The following CNTLN variants were observed in gnomAD, a reference collection of about 807,000 sequenced individuals.
The protein encoded by CNTLN is centlein, also known as centlein, centrosomal protein.
A neutral mutation model predicts 180.0 loss-of-function variants in CNTLN; 212 were observed. The ratio of observed to expected loss-of-function variants is 1.18; its 90% CI spans 1.05 to 1.32. The LOEUF is 1.32. Among genes scored for constraint, CNTLN ranks in the 40% most tolerant of loss-of-function variants. The pLI is 0.00. For missense variants in CNTLN, 2,095 were observed against 1,610.9 expected (o/e 1.30, Z -5.14); for synonymous variants, 722 against 563.1 (o/e 1.28, Z -3.99).
chr9:17,413,508 A>G (rs1828006326), intron 16 of CNTLN, among the ~76,000 whole-genome samples: 1 of 152,150 alleles, frequency 6.6e-6, no homozygotes, highest in Non-Finnish European at 1.5e-5. Context: ...TTTAAAAACC[A>G]TGTGTCTGAC....
chr9:17,426,992 G>A (rs868490159), intron 18 of CNTLN, among the ~76,000 whole-genome samples: 1 of 152,038 alleles, frequency 6.6e-6, no homozygotes, highest in Non-Finnish European at 1.5e-5. Flanking sequence ...GAGAATTTTT[G>A]TACTCTGCCC....
chr9:17,301,939 A>G (rs1347978174), intron 7 of CNTLN: 15 of 930,152 alleles, frequency 1.6e-5, no homozygotes, highest in South Asian at 5.0e-5. Flanking sequence ...ATCATAACAT[A>G]TAACTATTTT....
intron 2 of CNTLN, among the ~76,000 whole-genome samples, chr9:17,203,620 G>A (rs527884152): frequency 2.0e-5 from 3 of 152,030 alleles, no homozygotes; most frequent in Non-Finnish European, 4.4e-5. Context: ...GCAGTGGCGC[G>A]ATCTCGGCTC....
chr9:17,162,477 C>A (rs1398023018), intron 2 of CNTLN, among the ~76,000 whole-genome samples: 2 of 152,212 alleles, frequency 1.3e-5, no homozygotes, highest in African/African-American at 4.8e-5. Context: ...TTTTGAATAG[C>A]ATTGCCTTAA....
chr9:17,207,584 TG>T (rs1823015273), intron 2 of CNTLN, among the ~76,000 whole-genome samples: 1 of 152,054 alleles, frequency 6.6e-6, no homozygotes, highest in African/African-American at 2.4e-5. Context: ...TTCCCTTGGC[TG>T]GGGGAGGGAG....
intron 2 of CNTLN, among the ~76,000 whole-genome samples, chr9:17,169,769 T>C (rs1038308774): frequency 2.0e-5 from 3 of 152,202 alleles, no homozygotes; most frequent in African/African-American, 7.2e-5. Flanking sequence ...TATCTGTGTT[T>C]ATGCCAGTAC....
intron 18 of CNTLN, among the ~76,000 whole-genome samples, chr9:17,427,350 A>C (rs942015559): frequency 1.4e-5 from 2 of 147,006 alleles, no homozygotes; most frequent in Admixed American, 1.4e-4. Context: ...TATATTTTCT[A>C]TGTGATACAG....
At chr9:17,342,604 A>G (rs1247697594) in intron 12 of CNTLN, among the ~76,000 whole-genome samples, 160 bp downstream of exon 12, 6 of 152,222 alleles carry the variant, frequency 3.9e-5, no homozygotes, top group Admixed American at 1.3e-4. Context: ...AAATATATAT[A>G]TGTATTATGC....
At chr9:17,433,315 C>T (rs1184551334) in intron 18 of CNTLN, among the ~76,000 whole-genome samples, 3 of 150,350 alleles carry the variant, frequency 2.0e-5, no homozygotes, top group East Asian at 2.0e-4. Flanking sequence ...AATGGAGTCT[C>T]GTTCTGTCGC....
intron 15 of CNTLN, among the ~76,000 whole-genome samples, chr9:17,406,132 T>G (rs12000349): frequency 0.047 from 7,122 of 151,862 alleles, 737 homozygotes; most frequent in African/African-American, 0.16. Flanking sequence ...AATTCTATCT[T>G]TACAGTTGCA....
intron 12 of CNTLN, among the ~76,000 whole-genome samples, chr9:17,355,808 T>G (rs992872662): frequency 5.9e-5 from 9 of 152,192 alleles, no homozygotes; most frequent in African/African-American, 2.2e-4. Flanking sequence ...CTCACGCCTG[T>G]AATCCCAGCA....
At chr9:17,251,646 TGTGA>T (rs139876053) in intron 5 of CNTLN, among the ~76,000 whole-genome samples, 10 of 152,030 alleles carry the variant, frequency 6.6e-5, no homozygotes, top group Non-Finnish European at 1.5e-4. Context: ...ATGGGCTATA[TGTGA>T]GTGTTTGTTA....
At chr9:17,303,891 C>G (rs1483334109) in intron 7 of CNTLN, among the ~76,000 whole-genome samples, 4 of 152,148 alleles carry the variant, frequency 2.6e-5, no homozygotes, top group African/African-American at 4.8e-5. Flanking sequence ...AAGTATTACA[C>G]TAACAATTTG....
chr9:17,168,588 C>T (rs557821080), intron 2 of CNTLN: 10 of 152,048 alleles, frequency 6.6e-5, no homozygotes, highest in Admixed American at 3.3e-4. Flanking sequence ...ATGTGATCTT[C>T]GATTAATTTG....
At chr9:17,203,658 G>T (rs1482206793) in intron 2 of CNTLN, among the ~76,000 whole-genome samples, 1 of 152,082 alleles carries the variant, frequency 6.6e-6, no homozygotes, top group African/African-American at 2.4e-5. Context: ...CCGTGTTCAC[G>T]CCATTCTCCT....
chr9:17,453,239 G>A (rs1830897422), intron 18 of CNTLN, among the ~76,000 whole-genome samples: 1 of 152,104 alleles, frequency 6.6e-6, no homozygotes, highest in African/African-American at 2.4e-5. Flanking sequence ...CTTGAGCCCA[G>A]GAGTTTGAGG....
chr9:17,299,929 T>G (rs1818229600), intron 7 of CNTLN: 4 of 309,604 alleles, frequency 1.3e-5, no homozygotes, highest in Non-Finnish European at 1.9e-5. Context: ...TTTTAATTTC[T>G]TTGTGGTCCT....
At chr9:17,359,267 C>A (rs1409745820) in intron 12 of CNTLN, among the ~76,000 whole-genome samples, 2 of 152,062 alleles carry the variant, frequency 1.3e-5, no homozygotes, top group Non-Finnish European at 2.9e-5. Context: ...AATCCACTTG[C>A]TTTGGCCTCC....
Position 17,330,695 on chromosome 9 carries a change from G to T in CNTLN, c.1405G>T (p.Glu469Ter). The change falls in exon 9 of 26, where the codon GAG (glutamate) becomes TAG (stop). Residue 469 changes from glutamate (E) to a stop codon, truncating the protein, a stop_gained. Coordinates refer to ENST00000380647, the MANE Select transcript of CNTLN (RefSeq NM_017738.4). LOFTEE classifies it high-confidence loss of function. ...TLMVSQKSEI[E>*]YLQEKLKIAN... ...AATGGTTTCACAGAAGTCTGAAATT[G>T]AGTATTTACAGGAGAAACTAAAGAT... 1.9e-6 allele frequency: 3 copies of T among 1,611,396 alleles called. No individual in the cohort carries two copies. Among genetic ancestry groups the T allele is most frequent in the Non-Finnish European group, 2.5e-6 (3 of 1,178,296 alleles).
Sources: allele counts gnomAD v4.1 joint callset (sites outside exome capture counted in the v4.1 genomes callset), GRCh38; gene constraint gnomAD v4.1.1; transcripts MANE v1.5; gene names NCBI Gene and HGNC (gene_info 2026-07-23, HGNC 2026-07-21).